CHN2: variants seen among roughly 807,000 people sequenced by gnomAD.
CHN2 encodes chimerin 2, also known as beta-chimaerin.
Under a neutral mutation model 56.3 loss-of-function variants are expected in CHN2, and 35 were observed. The ratio of observed to expected loss-of-function variants is 0.62; its 90% CI spans 0.47 to 0.82. CHN2 has a LOEUF of 0.82. Ranked by LOEUF, CHN2 falls within the 40% of genes least tolerant of loss-of-function variation. The pLI is 0.00. For missense variants in CHN2, 491 were observed against 580.5 expected, an observed-to-expected ratio of 0.85 and a Z score of 1.58; for synonymous variants, 210 against 212.8, an observed-to-expected ratio of 0.99 and a Z score of 0.12.
At chr7:29,165,244 C>G (rs1296884053) in intron 2 of CHN2, among the ~76,000 whole-genome samples, 1 of 152,050 alleles carries the variant, frequency 6.6e-6, no homozygotes, top group Non-Finnish European at 1.5e-5. Context: ...ATATAAAGGT[C>G]TTGCATAAGT....
chr7:29,478,410 G>A (rs1269344881), intron 6 of CHN2, among the ~76,000 whole-genome samples: 1 of 152,178 alleles, frequency 6.6e-6, no homozygotes, highest in Non-Finnish European at 1.5e-5. Flanking sequence ...GTAGAGCGAT[G>A]TGTAAGGTGG....
In CHN2 at chr7:29,194,799, G is replaced by A; in HGVS notation, c.-143G>A. The A allele has an allele frequency of 3.2e-6, 2 of 623,564 alleles. No homozygotes were observed. The highest frequency in any genetic ancestry group is 4.8e-6 in the Non-Finnish European group (2 of 413,654). 38.6% of individuals were successfully genotyped at this position (623,564 alleles called of 1,614,324 possible). A position where few individuals can be genotyped will look rare whatever the true frequency, so the allele number is the denominator to read the frequency against. The stretch of plus-strand genomic sequence containing the variant: ...TGGTGGAGCAGGAAGTGCAGGCAGA[G>A]TCCGGAGGCTGGTGCTTTCTGCGCG... On this transcript the variant is annotated 5_prime_UTR_variant, in exon 1 of 13. Coordinates refer to ENST00000222792, the MANE Select transcript of CHN2 (RefSeq NM_004067.4).
At chr7:29,255,469 C>T (rs999449491) in intron 1 of CHN2, among the ~76,000 whole-genome samples, 2 of 152,046 alleles carry the variant, frequency 1.3e-5, no homozygotes, top group African/African-American at 4.8e-5. Context: ...AACCTTCCAG[C>T]CATGAGGTCA....
At chr7:29,263,872 C>T (rs1221897240) in intron 1 of CHN2, among the ~76,000 whole-genome samples, 5 of 150,648 alleles carry the variant, frequency 3.3e-5, no homozygotes, top group Non-Finnish European at 5.9e-5. Context: ...GCCCGGCAGC[C>T]GCCCCATCTG....
At chr7:29,282,064 G>A (rs1791765882) in intron 1 of CHN2, among the ~76,000 whole-genome samples, 1 of 152,184 alleles carries the variant, frequency 6.6e-6, no homozygotes, top group South Asian at 2.1e-4. Flanking sequence ...GACCTCATCT[G>A]GTTTTCGACA....
At chr7:29,195,123 G>A in intron 1 of CHN2, 133 bp downstream of exon 1, 2 of 911,832 alleles carry the variant, frequency 2.2e-6, no homozygotes, top group South Asian at 1.9e-5. Context: ...AGGCGTCCGG[G>A]GTGATACTTG....
intron 1 of CHN2, among the ~76,000 whole-genome samples, chr7:29,258,986 G>T (rs1789311296): frequency 6.7e-6 from 1 of 149,222 alleles, no homozygotes; most frequent in Non-Finnish European, 1.5e-5. Flanking sequence ...GTAGAATATA[G>T]ACTGTGGTGT....
intron 7 of CHN2, among the ~76,000 whole-genome samples, chr7:29,480,824 T>A (rs1476855378): frequency 6.6e-6 from 1 of 152,244 alleles, no homozygotes; most frequent in Non-Finnish European, 1.5e-5. Flanking sequence ...CGTAGACACC[T>A]GTGAAATCAA....
chr7:29,185,477 A>G (rs1048005080), intron 2 of CHN2: 1 of 152,164 alleles, frequency 6.6e-6, no homozygotes, highest in African/African-American at 2.4e-5. Flanking sequence ...ACCAGAGACA[A>G]TCCCGGCAAA....
chr7:29,238,172 C>G (rs1369273346), intron 1 of CHN2, among the ~76,000 whole-genome samples: 2 of 151,932 alleles, frequency 1.3e-5, no homozygotes, highest in Admixed American at 6.6e-5. Context: ...CGTGTGCCAC[C>G]ACGCCCGGCT....
At chr7:29,146,881 A>G in exon 2 of CHN2, 1 of 1,551,212 alleles carries the variant, frequency 6.4e-7, no homozygotes. Flanking sequence ...TTACATTTGG[A>G]AAGCGAGTGG....
upstream of CHN2, chr7:29,193,254 A>G (rs527876940): frequency 6.6e-5 from 10 of 151,906 alleles, no homozygotes; most frequent in African/African-American, 2.4e-4. Context: ...AGTATCCTGG[A>G]GGGATTTTTT....
intron 6 of CHN2, among the ~76,000 whole-genome samples, chr7:29,461,541 A>G (rs1785162156): frequency 6.6e-6 from 1 of 151,136 alleles, no homozygotes; most frequent in African/African-American, 2.5e-5. Flanking sequence ...CGGGATCTGG[A>G]GAATAGCCAA....
rs546999954 is a variant in CHN2, at chr7:29,183,080, A to G, written c.274+36120A>G. ...CGAAGGCAACTGGAAAACATGGCAGACTTTTTTTTTTTTTTTTTTTTGAAA... is the reference window on the plus strand; with the variant it reads ...CGAAGGCAACTGGAAAACATGGCAGGCTTTTTTTTTTTTTTTTTTTTGAAA... On this transcript the variant is annotated intron_variant, in intron 2 of 6. Coordinates refer to the CHN2 transcript ENST00000439384. Among the ~76,000 whole-genome samples, 165 of 122,624 alleles carry G rather than the reference A, an allele frequency of 1.3e-3. 1 individual carries two copies. The highest frequency in any genetic ancestry group is 5.2e-3 in the African/African-American group (159 of 30,710). 80.4% of individuals were successfully genotyped at this position (122,624 alleles called of 152,430 possible). A position where few individuals can be genotyped will look rare whatever the true frequency, so the allele number is the denominator to read the frequency against.
chr7:29,217,707 G>A (rs775445162), intron 1 of CHN2, among the ~76,000 whole-genome samples: 4 of 151,980 alleles, frequency 2.6e-5, no homozygotes, highest in Admixed American at 6.6e-5. Flanking sequence ...TTAATAGCTC[G>A]GAGCAAATAA....
chr7:29,366,834 A>G (rs1282660949), intron 2 of CHN2, among the ~76,000 whole-genome samples: 1 of 152,218 alleles, frequency 6.6e-6, no homozygotes, highest in Non-Finnish European at 1.5e-5. Context: ...ACATTCAGCC[A>G]AAGACATTGG....
chr7:29,178,577 A>G (rs1797666071), intron 2 of CHN2, among the ~76,000 whole-genome samples: 1 of 152,124 alleles, frequency 6.6e-6, no homozygotes, highest in South Asian at 2.1e-4. Context: ...TCATCTGAAC[A>G]CATTTTTCAG....
At chr7:29,352,019 A>G (rs983752505) in intron 1 of CHN2, among the ~76,000 whole-genome samples, 3 of 152,180 alleles carry the variant, frequency 2.0e-5, no homozygotes, top group African/African-American at 7.2e-5. Flanking sequence ...TTTCAGATGA[A>G]ACAAAACTCT....
At chr7:29,254,283 C>T (rs1234974877) in intron 1 of CHN2, among the ~76,000 whole-genome samples, 1 of 152,154 alleles carries the variant, frequency 6.6e-6, no homozygotes, top group African/African-American at 2.4e-5. Flanking sequence ...ATCTCAGCAC[C>T]TGGTACACAG....
Sources: gnomAD v4.1 joint callset for allele counts (sites outside exome capture counted in the v4.1 genomes callset) on GRCh38, gnomAD v4.1.1 for gene constraint, MANE v1.5 for transcripts, NCBI Gene and HGNC (gene_info 2026-07-23, HGNC 2026-07-21) for gene names.